NSUN3: variants seen among roughly 807,000 people sequenced by gnomAD.
NSUN3 encodes the protein NOP2/Sun RNA methyltransferase 3.
NSUN3 carries 24 observed loss-of-function variants against 36.8 expected under a neutral mutation model. The observed-to-expected ratio is 0.65, with a 90% CI of 0.47 to 0.92. NSUN3 has a LOEUF of 0.92. NSUN3 is among the 40% of genes least tolerant of loss of function. NSUN3 has a pLI of 0.00. For missense variants in NSUN3, 381 were observed against 392.8 expected (o/e 0.97, Z 0.25); for synonymous variants, 146 against 145.2 (o/e 1.01, Z -0.04).
chr3:94,123,242 T>C (rs2077471682), intron 5 of NSUN3, among the ~76,000 whole-genome samples: 1 of 152,200 alleles, frequency 6.6e-6, no homozygotes, highest in Non-Finnish European at 1.5e-5. Context: ...GCTTCACTCC[T>C]TTCACTGCTC....
At chr3:94,076,188 A>G in intron 2 of NSUN3, 1 of 968,734 alleles carries the variant, frequency 1.0e-6, no homozygotes, top group Non-Finnish European at 1.7e-6. Context: ...CTGGAAGCCA[A>G]AATAGTCTCA....
intron 2 of NSUN3, among the ~76,000 whole-genome samples, chr3:94,080,120 G>A (rs1474456729): frequency 6.6e-6 from 1 of 152,098 alleles, no homozygotes; most frequent in Non-Finnish European, 1.5e-5. Flanking sequence ...GTCTTTGAGT[G>A]GATGTGCTAT....
chr3:94,112,714 G>A (rs1386238684), intron 5 of NSUN3, among the ~76,000 whole-genome samples: 1 of 152,152 alleles, frequency 6.6e-6, no homozygotes, highest in Non-Finnish European at 1.5e-5. Context: ...TTATTACAAG[G>A]CAGTTTAGGA....
chr3:94,069,972 T>G (rs2077218764), intron 2 of NSUN3, among the ~76,000 whole-genome samples: 1 of 152,058 alleles, frequency 6.6e-6, no homozygotes, highest in South Asian at 2.1e-4. Flanking sequence ...TTTACTTAAT[T>G]TTTTTTTGGT....
chr3:94,084,874 T>C (rs2077285446), intron 3 of NSUN3: 1 of 159,222 alleles, frequency 6.3e-6, no homozygotes, highest in African/African-American at 2.4e-5. Context: ...CCAGTAGAAA[T>C]ATAATGTGAA....
intron 2 of NSUN3, among the ~76,000 whole-genome samples, chr3:94,065,195 A>C (rs1221383636): frequency 6.6e-6 from 1 of 152,188 alleles, no homozygotes; most frequent in African/African-American, 2.4e-5. Flanking sequence ...GACAGTCTGC[A>C]TGTCCAGTTT....
chr3:94,129,256 C>T lies in NSUN3; in HGVS notation c.*2766C>T, dbSNP rs112991489. ...AGTAAAGATACGGAATCAACCTAAC[C>T]GCCCATCAGCAGTTGATTGAATAAA... On this transcript the variant is annotated 3_prime_UTR_variant, in exon 6 of 6. Transcript: ENST00000314622. 5.3e-5 allele frequency among the ~76,000 whole-genome samples: 8 copies of T among 152,246 alleles called. No individual in the cohort carries two copies. The highest frequency in any genetic ancestry group is 1.7e-4 in the African/African-American group (7 of 41,536).
chr3:94,110,914 G>A (rs1366490809), intron 5 of NSUN3, among the ~76,000 whole-genome samples: 2 of 151,930 alleles, frequency 1.3e-5, no homozygotes, highest in Admixed American at 6.6e-5. Flanking sequence ...AACCACCCTG[G>A]ATTGTGAGGT....
At chr3:94,119,649 G>T (rs987363680) in intron 5 of NSUN3, among the ~76,000 whole-genome samples, 1 of 152,250 alleles carries the variant, frequency 6.6e-6, no homozygotes, top group Non-Finnish European at 1.5e-5. Context: ...AATTCTCAGA[G>T]TAGAAAAATC....
chr3:94,082,081 C>T (rs185980507), intron 2 of NSUN3: 29 of 152,238 alleles, frequency 1.9e-4, no homozygotes, highest in African/African-American at 5.5e-4. Context: ...CAAGCCAAGC[C>T]GCTCCTTCTG....
At chr3:94,121,265 G>T (rs1433369502) in intron 5 of NSUN3, among the ~76,000 whole-genome samples, 1 of 152,088 alleles carries the variant, frequency 6.6e-6, no homozygotes, top group Non-Finnish European at 1.5e-5. Context: ...TCACATACCT[G>T]AGCTCTTTGC....
chr3:94,078,522 A>T (rs2077255457), intron 2 of NSUN3, among the ~76,000 whole-genome samples: 1 of 152,228 alleles, frequency 6.6e-6, no homozygotes, highest in East Asian at 1.9e-4. Flanking sequence ...GATCTGTCTA[A>T]TATTGACAGC....
rs1212198438 is a variant in NSUN3 at position 94,084,181 on chromosome 3, A to G, written c.197A>G (p.Glu66Gly). Residue 66 changes from glutamate (E) to glycine (G), a missense_variant, in exon 3 of 6, where the codon GAA (glutamate) becomes GGA (glycine). Glu to Gly is a moderately conservative substitution (Grantham distance 98). Transcript: ENST00000314622. The stretch of plus-strand genomic sequence containing the variant: ...CGATTCAATTATCCTTTTGAACTGG[A>G]AAAGGATTTACATTTGAAGGGCTAT... ...LNRFNYPFELEKDLHLKGYHT... is the reference protein window; with the variant it reads ...LNRFNYPFELGKDLHLKGYHT... 11 of 1,614,024 alleles carry G rather than the reference A, an allele frequency of 6.8e-6. No homozygotes were observed. The highest frequency in any genetic ancestry group is 1.7e-5 in the Admixed American group (1 of 59,988).
At chr3:94,119,998 T>C (rs535494926) in intron 5 of NSUN3, among the ~76,000 whole-genome samples, 1 of 152,372 alleles carries the variant, frequency 6.6e-6, no homozygotes, top group African/African-American at 2.4e-5. Flanking sequence ...AGCAGAAGAA[T>C]CAGCCAACAT....
intron 5 of NSUN3, among the ~76,000 whole-genome samples, chr3:94,122,272 T>G (rs1217803118): frequency 6.6e-6 from 1 of 151,934 alleles, no homozygotes; most frequent in Non-Finnish European, 1.5e-5. Context: ...GGTAAAAAAT[T>G]AAACTACAAA....
chr3:94,118,932 C>A (rs1002792459), intron 5 of NSUN3, among the ~76,000 whole-genome samples: 7 of 152,082 alleles, frequency 4.6e-5, no homozygotes, highest in African/African-American at 1.7e-4. Context: ...TAAGCAATAT[C>A]TTTCTTTTGT....
At chr3:94,078,140 T>C (rs1366293182) in intron 2 of NSUN3, among the ~76,000 whole-genome samples, 1 of 152,220 alleles carries the variant, frequency 6.6e-6, no homozygotes, top group African/African-American at 2.4e-5. Flanking sequence ...GTATGTTGTG[T>C]CTTTGTTCTC....
At chr3:94,112,341 G>A (rs1482854200) in intron 5 of NSUN3, among the ~76,000 whole-genome samples, 1 of 152,146 alleles carries the variant, frequency 6.6e-6, no homozygotes, top group East Asian at 1.9e-4. Context: ...CTTGCCCTCT[G>A]TTACTTGTTT....
At chr3:94,082,951 C>G (rs1373056529) in intron 2 of NSUN3, among the ~76,000 whole-genome samples, 3 of 152,188 alleles carry the variant, frequency 2.0e-5, no homozygotes, top group Non-Finnish European at 2.9e-5. Context: ...GAAGAAAACA[C>G]TCATTCCCTC....
Sources: allele counts gnomAD v4.1 joint callset (sites outside exome capture counted in the v4.1 genomes callset), GRCh38; gene constraint gnomAD v4.1.1; transcripts MANE v1.5; gene names NCBI Gene and HGNC (gene_info 2026-07-23, HGNC 2026-07-21).